Variants in PLTP observed in about 807,000 individuals in gnomAD.
The protein encoded by PLTP is BPI fold containing family E.
A neutral mutation model predicts 54.1 loss-of-function variants in PLTP; 43 were observed. The observed-to-expected ratio is 0.79, with a 90% CI of 0.62 to 1.02. The LOEUF is 1.02. PLTP is among the 50% of genes least tolerant of loss of function. The probability of loss-of-function intolerance (pLI) is 0.00; values close to 1 mark genes in which losing one functional copy is unlikely to be tolerated. For missense variants in PLTP, 604 were observed against 645.9 expected, an observed-to-expected ratio of 0.94 and a Z score of 0.70; for synonymous variants, 263 against 264.6, an observed-to-expected ratio of 0.99 and a Z score of 0.06.
chr20:45,902,434 C>A lies in PLTP; in HGVS notation c.1107+6G>T. On this transcript the variant is annotated splice_donor_region_variant and intron_variant, in intron 11 of 15. Coordinates refer to ENST00000372431, the MANE Select transcript of PLTP (RefSeq NM_006227.4). ...CAGCCAGCAGCCCCCACTCTGGGACCCGTACCATAGTCATGCTGGACAGCT... is the reference window on the plus strand; with the variant it reads ...CAGCCAGCAGCCCCCACTCTGGGACACGTACCATAGTCATGCTGGACAGCT... 6.2e-7 allele frequency: 1 copy of A among 1,614,244 alleles called. No homozygotes were observed.
rs1600483400 is a variant in PLTP, at chr20:45,910,074, C to A, written c.201-4G>T. 1 of 1,613,750 alleles carries A rather than the reference C, an allele frequency of 6.2e-7. No individual in the cohort carries two copies. The highest frequency in any genetic ancestry group is 8.5e-7 in the Non-Finnish European group (1 of 1,179,832). Reference sequence around the variant, plus strand: ...TTGCAGCTCTGTGACCTTCACCCTACAGGAGGCCTCAGGGTCAGATCCAGG... The same window carrying A: ...TTGCAGCTCTGTGACCTTCACCCTAAAGGAGGCCTCAGGGTCAGATCCAGG... On this transcript the variant is annotated splice_region_variant and splice_polypyrimidine_tract_variant and intron_variant, in intron 3 of 15. Coordinates refer to ENST00000372431, the MANE Select transcript of PLTP (RefSeq NM_006227.4).
chr20:45,899,355 G>A, intron 15 of PLTP, 107 bp downstream of exon 15: 2 of 1,218,940 alleles, frequency 1.6e-6, no homozygotes, highest in Admixed American at 3.6e-5. Context: ...ATTAAAATGG[G>A]AGGGGCGACT....
intron 12 of PLTP, 34 bp downstream of exon 12, chr20:45,902,233 A>C (rs1306255668): frequency 1.2e-6 from 2 of 1,607,212 alleles, no homozygotes; most frequent in South Asian, 2.2e-5. Flanking sequence ...ATTGTCCTCC[A>C]ATCACTGAGG....
In PLTP at chr20:45,899,651, A is replaced by C; in HGVS notation, c.1253T>G (p.Leu418Arg). 6.2e-7 allele frequency: 1 copy of C among 1,613,936 alleles called. No homozygotes were observed. The highest frequency in any genetic ancestry group is 2.2e-5 in the East Asian group (1 of 44,844). Residue 418 changes from leucine (L) to arginine (R), a missense_variant, in exon 14 of 16, where the codon CTG becomes CGG. Leu to Arg is a moderately radical substitution (Grantham distance 102, BLOSUM62 -2). Coordinates refer to ENST00000372431, the MANE Select transcript of PLTP (RefSeq NM_006227.4). ...GAGCATGGGCATCACCCCAATCTGC[A>C]GCATGGTCTTCAGAGGGGCCTGTAA... ...IPLQAPLKTM[L>R]QIGVMPMLNE...
chr20:45,911,703 C>A (rs973090999), intron 1 of PLTP: 2 of 583,780 alleles, frequency 3.4e-6, no homozygotes, highest in Non-Finnish European at 6.1e-6. Flanking sequence ...TTCCCAGTTC[C>A]CTCGTGCTAC....
intron 7 of PLTP, among the ~76,000 whole-genome samples, chr20:45,906,607 G>A (rs991751003): frequency 1.3e-5 from 2 of 151,936 alleles, no homozygotes; most frequent in African/African-American, 2.4e-5. Context: ...TGGCATGGGG[G>A]GGCCGCGCAT....
intron 3 of PLTP, among the ~76,000 whole-genome samples, 198 bp from the exon 4 acceptor site, chr20:45,910,268 C>CT (rs2083277924): frequency 6.6e-6 from 1 of 152,142 alleles, no homozygotes; most frequent in South Asian, 2.1e-4. Context: ...GAGAGGAGGT[C>CT]TTCCTGATCC....
chr20:45,910,099 G>A (rs2083276697), intron 3 of PLTP, 29 bp from the exon 4 acceptor site: 1 of 1,612,612 alleles, frequency 6.2e-7, no homozygotes, highest in Admixed American at 1.7e-5. Flanking sequence ...TCAGATCCAG[G>A]GCCAAGAAGA....
intron 1 of PLTP, 130 bp from the exon 2 acceptor site, chr20:45,911,593 A>T (rs2145843688): frequency 1.6e-6 from 2 of 1,287,654 alleles, no homozygotes; most frequent in East Asian, 2.5e-5. Flanking sequence ...TGGAACCAAT[A>T]ATCTTGCCTC....
At chr20:45,908,197 C>G (rs143974199) in intron 5 of PLTP, among the ~76,000 whole-genome samples, 2 of 152,134 alleles carry the variant, frequency 1.3e-5, no homozygotes, top group African/African-American at 2.4e-5. Context: ...CCCTCCCTTC[C>G]GCCCTCTGCA....
Position 45,911,229 on chromosome 20 carries a change from A to G in PLTP, c.123T>C (p.Phe41=). ...LELVKQEGLR[F]LEQELETITI... ...TGATAGTCTCCAGCTCTTGCTCCAGAAAGCGCAGCCCCTCCTGCTTCACTG... is the reference window on the plus strand; with the variant it reads ...TGATAGTCTCCAGCTCTTGCTCCAGGAAGCGCAGCCCCTCCTGCTTCACTG... Residue 41 remains phenylalanine (F), a synonymous_variant, in exon 3 of 16, where the codon TTT becomes TTC. Coordinates refer to ENST00000372431, the MANE Select transcript of PLTP (RefSeq NM_006227.4). The G allele has an allele frequency of 1.2e-6, 2 of 1,614,108 alleles. No homozygotes were observed. The highest frequency in any genetic ancestry group is 1.7e-6 in the Non-Finnish European group (2 of 1,180,006).
chr20:45,911,596 C>T, intron 1 of PLTP, 133 bp from the exon 2 acceptor site: 1 of 1,263,400 alleles, frequency 7.9e-7, no homozygotes, highest in Non-Finnish European at 1.1e-6. Context: ...AACCAATAAT[C>T]TTGCCTCCAT....
Position 45,902,605 on chromosome 20 carries a change from C to G in PLTP, c.943-1G>C. The G allele has an allele frequency of 6.2e-7, 1 of 1,602,978 alleles. No homozygotes were observed. Among genetic ancestry groups the G allele is most frequent in the African/African-American group, 1.3e-5 (1 of 74,734 alleles). On this transcript the variant is annotated splice_acceptor_variant, in intron 10 of 15. Transcript: ENST00000372431. LOFTEE classifies it high-confidence loss of function. ...ATGGGGAGTCAATCACTGCTGGGCT[C>G]TGGGGGATGAGCAGCAGGGGCGGGT...
chr20:45,899,812 G>GCCCCCCCCCCCCC, intron 13 of PLTP, 24 bp downstream of exon 13: 1 of 309,334 alleles, frequency 3.2e-6, no homozygotes, highest in Non-Finnish European at 6.2e-6. Context: ...ACCCAGCCCA[G>GCCCCCCCCCCCCC]CCCACCCACC....
In PLTP at chr20:45,904,728, G is replaced by C. The variant is rs1179922977; in HGVS notation, c.942+72C>G. 3.3e-6 allele frequency: 5 copies of C among 1,497,854 alleles called. No homozygotes were observed. In the African/African-American group the frequency reaches 4.1e-5, roughly 12 times the overall value. 92.8% of individuals were successfully genotyped at this position (1,497,854 alleles called of 1,614,324 possible). ...CCCTGTCTGCGTGGCTGCCACTGGG[G>C]GCCCCACCTGCACCCCTCCTTGGTC... On this transcript the variant is annotated intron_variant, in intron 10 of 15. Coordinates refer to ENST00000372431, the MANE Select transcript of PLTP (RefSeq NM_006227.4).
chr20:45,902,713 A>C, intron 10 of PLTP, 109 bp from the exon 11 acceptor site: 1 of 1,133,914 alleles, frequency 8.8e-7, no homozygotes, highest in Non-Finnish European at 1.2e-6. Context: ...GGGGACTCTC[A>C]TATTGCAAAT....
In PLTP at chr20:45,911,162, T is replaced by C; in HGVS notation, c.190A>G (p.Asn64Asp). Residue 64 changes from asparagine (N) to aspartate (D), a missense_variant, in exon 3 of 16, where the codon AAC becomes GAC. Physicochemically the swap from Asn to Asp is conservative, Grantham distance 23. Transcript: ENST00000372431. ...LRGKEGHFYY[N>D]ISEVKVTELQ... ...CCGCCCCCCACTTACTCAGAGATGTTGTAGTAGAAGTGGCCTTCTTTGCCC... is the reference window on the plus strand; with the variant it reads ...CCGCCCCCCACTTACTCAGAGATGTCGTAGTAGAAGTGGCCTTCTTTGCCC... 6.2e-7 allele frequency: 1 copy of C among 1,613,456 alleles called. No individual in the cohort carries two copies. Among genetic ancestry groups the C allele is most frequent in the Non-Finnish European group, 8.5e-7 (1 of 1,179,382 alleles).
rs770384533 is a variant in PLTP, at chr20:45,899,030, C to T, written c.1393G>A (p.Ala465Thr). 2 of 1,614,166 alleles carry T rather than the reference C, an allele frequency of 1.2e-6. No individual in the cohort carries two copies. The highest frequency in any genetic ancestry group is 1.7e-6 in the Non-Finnish European group (2 of 1,180,026). Reference sequence around the variant, plus strand: ...TCAATCACCTCTCGCAGCCCTTTGGCAAAGTGGAGATCAGCCCCGATGGTG... The same window carrying T: ...TCAATCACCTCTCGCAGCCCTTTGGTAAAGTGGAGATCAGCCCCGATGGTG... The part of the protein sequence containing the change: ...FLTIGADLHF[A>T]KGLREVIEKN... The change falls in exon 16 of 16, where the codon GCC (alanine) becomes ACC (threonine). Residue 465 changes from alanine to threonine, a missense_variant. Physicochemically the swap from Ala to Thr is moderately conservative, Grantham distance 58 (BLOSUM62 0). Coordinates refer to ENST00000372431, the MANE Select transcript of PLTP (RefSeq NM_006227.4).
At chr20:45,911,044 C>G in intron 3 of PLTP, 108 bp downstream of exon 3, 1 of 1,608,374 alleles carries the variant, frequency 6.2e-7, no homozygotes, top group Non-Finnish European at 8.5e-7. Context: ...GATTTGGCCA[C>G]GCCCCATCCC....
Sources: gnomAD v4.1 joint callset for allele counts (sites outside exome capture counted in the v4.1 genomes callset) on GRCh38, gnomAD v4.1.1 for gene constraint, MANE v1.5 for transcripts, NCBI Gene and HGNC (gene_info 2026-07-23, HGNC 2026-07-21) for gene names.